The following MYH14 variants were observed in gnomAD, a reference collection of about 807,000 sequenced individuals.
MYH14 encodes the protein myosin-14.
Under a neutral mutation model 255.5 loss-of-function variants are expected in MYH14, and 123 were observed. The observed-to-expected ratio is 0.48, with a 90% CI of 0.42 to 0.56. MYH14 has a LOEUF of 0.56. Among genes scored for constraint, MYH14 ranks in the 20% least tolerant of loss-of-function variants. The pLI, the probability that MYH14 is intolerant of heterozygous loss-of-function variation, is 0.00. For synonymous variants in MYH14, 1,095 were observed against 1,161.2 expected, an observed-to-expected ratio of 0.94 and a Z score of 1.16; for missense variants, 2,423 against 2,802.3, an observed-to-expected ratio of 0.86 and a Z score of 3.06.
intron 30 of MYH14, among the ~76,000 whole-genome samples, chr19:50,278,831 A>AC (rs1491237600): frequency 7.3e-6 from 1 of 136,690 alleles, no homozygotes. Flanking sequence ...AAAAAAAAAA[A>AC]CACAAAATTA....
At chr19:50,232,182 G>C (rs913648693) in intron 10 of MYH14, 112 bp downstream of exon 10, 55 of 1,373,956 alleles carry the variant, frequency 4.0e-5, no homozygotes, top group Admixed American at 2.2e-4. Context: ...CACCTACTGG[G>C]TGCAGGCACC....
At chr19:50,251,421 AG>A (rs2034365885) in intron 15 of MYH14, among the ~76,000 whole-genome samples, 1 of 150,754 alleles carries the variant, frequency 6.6e-6, no homozygotes, top group Non-Finnish European at 1.5e-5. Flanking sequence ...GGCCCCCATG[AG>A]TTTGACTATG....
intron 34 of MYH14, among the ~76,000 whole-genome samples, chr19:50,287,588 T>A (rs1311747253): frequency 6.6e-6 from 1 of 152,078 alleles, no homozygotes; most frequent in African/African-American, 2.4e-5. Context: ...GTTTTTTAAA[T>A]TTTTTGTGGA....
intron 23 of MYH14, 148 bp from the exon 24 acceptor site, chr19:50,268,013 G>C (rs2035152556): frequency 3.2e-6 from 3 of 944,044 alleles, no homozygotes; most frequent in Non-Finnish European, 3.1e-6. Context: ...ACCTGAGGGG[G>C]AGGAGGTGGG....
chr19:50,266,765 A>C lies in MYH14; in HGVS notation c.2695-112A>C. ...GGGACTGTTGCCAAGGCGGGGACAC[A>C]CAGCTAATAGGTGGAGGAGAAGGGA... is the stretch of plus-strand genomic sequence containing the variant. On this transcript the variant is annotated intron_variant, in intron 22 of 42. Transcript: ENST00000642316. This position sits in a 1 kb window ranked among gnomAD's most constrained non-coding sequence, Gnocchi z 4.1. The C allele has an allele frequency of 7.0e-7, 1 of 1,423,618 alleles. No individual in the cohort carries two copies. The allele number at this position is 1,423,618 out of a possible 1,614,324, so 88.2% of individuals were successfully genotyped here.
At chr19:50,268,526 G>C (rs183982076) in intron 24 of MYH14, among the ~76,000 whole-genome samples, 159 bp downstream of exon 24, 9 of 152,234 alleles carry the variant, frequency 5.9e-5, no homozygotes, top group Admixed American at 5.9e-4. Flanking sequence ...TTCAGATCGC[G>C]GGAGACCTTA....
chr19:50,307,904 C>G (rs1409491837), intron 41 of MYH14, among the ~76,000 whole-genome samples: 1 of 152,186 alleles, frequency 6.6e-6, no homozygotes, highest in Non-Finnish European at 1.5e-5. Flanking sequence ...TATTGAGCAC[C>G]TGCTATGTGC....
chr19:50,281,454 A>G, intron 32 of MYH14, 140 bp from the exon 33 acceptor site: 1 of 1,263,546 alleles, frequency 7.9e-7, no homozygotes, highest in Non-Finnish European at 1.1e-6. Context: ...CACACCACTC[A>G]GAGGCAGAAG....
At chr19:50,271,664 G>A in intron 25 of MYH14, 118 bp downstream of exon 25, 1 of 1,468,342 alleles carries the variant, frequency 6.8e-7, no homozygotes. Context: ...GCACCGGTGG[G>A]GGTGGGATGG....
At chr19:50,271,783 G>A in intron 25 of MYH14, 66 bp from the exon 26 acceptor site, 1 of 1,599,694 alleles carries the variant, frequency 6.3e-7, no homozygotes, top group Non-Finnish European at 8.5e-7. Flanking sequence ...AGAAGCTGCA[G>A]ATCAGGTAAG....
chr19:50,243,985 T>C (rs1338370285), intron 10 of MYH14, among the ~76,000 whole-genome samples: 1 of 151,994 alleles, frequency 6.6e-6, no homozygotes, highest in Non-Finnish European at 1.5e-5. Context: ...ATTCTTTTTT[T>C]TTTTTTTGAG....
intron 12 of MYH14, among the ~76,000 whole-genome samples, chr19:50,248,282 C>T (rs1251633447): frequency 6.6e-6 from 1 of 152,074 alleles, no homozygotes; most frequent in East Asian, 1.9e-4. Context: ...TTCAGTTTGT[C>T]TTTCATAGAA....
At position 50,309,087 on chromosome 19, in the gene MYH14, G is replaced by C; in HGVS notation, c.5870G>C (p.Gly1957Ala). 6.2e-7 allele frequency: 1 copy of C among 1,613,898 alleles called. No homozygotes were observed. Among genetic ancestry groups the C allele is most frequent in the Non-Finnish European group, 8.5e-7 (1 of 1,179,820 alleles). The part of the protein sequence containing the change: ...AEEEASRAQA[G>A]RRRLQRELED... ...GAGGAGGCATCCCGGGCTCAGGCCG[G>C]CCGCCGGAGGCTGCAGCGTGAGCTG... Residue 1957 changes from glycine (G) to alanine (A), a missense_variant, in exon 42 of 43, where the codon GGC (glycine) becomes GCC (alanine). Physicochemically the swap from Gly to Ala is moderately conservative, Grantham distance 60 (BLOSUM62 0). Around this residue, in one of 3 missense-constraint regions of MYH14, gnomAD observed 1,513 missense variants for 1,674.8 expected, o/e 0.90. Coordinates refer to ENST00000642316, the MANE Select transcript of MYH14 (RefSeq NM_001145809.2).
chr19:50,221,517 C>A lies in MYH14; in HGVS notation c.563-1566C>A, dbSNP rs1263675238. 6.6e-6 allele frequency among the ~76,000 whole-genome samples: 1 copy of A among 152,158 alleles called. No homozygotes were observed. Among genetic ancestry groups the A allele is most frequent in the East Asian group, 1.9e-4 (1 of 5,188 alleles). On this transcript the variant is annotated intron_variant, in intron 3 of 42. Transcript: ENST00000642316. This position sits in a 1 kb window ranked among gnomAD's most constrained non-coding sequence, Gnocchi z 5.3. ...TAGAGACGGAGCCTCACTCTTGTCACCCAGGCTGGAGTGCAATGGCACGAT... is the reference window on the plus strand; with the variant it reads ...TAGAGACGGAGCCTCACTCTTGTCAACCAGGCTGGAGTGCAATGGCACGAT...
chr19:50,241,318 C>A (rs533871572), intron 10 of MYH14, among the ~76,000 whole-genome samples: 2 of 152,230 alleles, frequency 1.3e-5, no homozygotes, highest in South Asian at 4.1e-4. Context: ...GCCTGTAGTC[C>A]CAGCTACTTG....
At position 50,289,630 on chromosome 19, in the gene MYH14, G is replaced by A. The variant is rs1184372886; in HGVS notation, c.4947G>A (p.Arg1649=). The A allele has an allele frequency of 6.2e-7, 1 of 1,609,270 alleles. No homozygotes were observed. Among genetic ancestry groups the A allele is most frequent in the African/African-American group, 1.3e-5 (1 of 74,852 alleles). The change falls in exon 35 of 43, where the codon CGG becomes CGA. Residue 1649 remains arginine (R), a synonymous_variant. Transcript: ENST00000642316. ...GTGATGAGGCTGGTGAAGAGAGGCG[G>A]AGGCAGCTGGCCAAGCAGGTATTGT... ...QGRDEAGEER[R]RQLAKQLRDA...
chr19:50,252,801 T>A lies in MYH14; in HGVS notation c.1945+48T>A. The A allele has an allele frequency of 7.3e-7, 1 of 1,365,346 alleles. No homozygotes were observed. Among genetic ancestry groups the A allele is most frequent in the Non-Finnish European group, 1.0e-6 (1 of 982,562 alleles). 84.6% of individuals were successfully genotyped at this position (1,365,346 alleles called of 1,614,324 possible). On this transcript the variant is annotated intron_variant, in intron 16 of 42. Coordinates refer to ENST00000642316, the MANE Select transcript of MYH14 (RefSeq NM_001145809.2). This position sits in a 1 kb window ranked among gnomAD's most constrained non-coding sequence, Gnocchi z 4.2. ...CCGGCTCTAGGGGTCTGTGCGGCCA[T>A]TCTCCAAATCCACAGCGTGAGCACC... is the stretch of plus-strand genomic sequence containing the variant.
At chr19:50,251,569 C>CACACATATATATATATAT (rs1491546469) in intron 15 of MYH14, among the ~76,000 whole-genome samples, 3 of 121,164 alleles carry the variant, frequency 2.5e-5, no homozygotes, top group African/African-American at 9.7e-5. Flanking sequence ...CACACACACA[C>CACACATATATATATATAT]ATATATATAT....
chr19:50,212,364 A>G (rs2032243107), intron 2 of MYH14, among the ~76,000 whole-genome samples: 1 of 152,258 alleles, frequency 6.6e-6, no homozygotes, highest in Non-Finnish European at 1.5e-5. Context: ...ATGGACAATC[A>G]TAATGAAAAA....
Sources: allele counts gnomAD v4.1 joint callset (sites outside exome capture counted in the v4.1 genomes callset), GRCh38; gene constraint gnomAD v4.1.1; regional missense constraint gnomAD v4.1.1; non-coding constraint Gnocchi (gnomAD v3.1); transcripts MANE v1.5; gene names NCBI Gene and HGNC (gene_info 2026-07-23, HGNC 2026-07-21).